KCNB2: variants seen among roughly 807,000 people sequenced by gnomAD.
The protein encoded by KCNB2 is delayed rectifier potassium channel protein.
In KCNB2, 15 loss-of-function variants were observed where a neutral mutation model predicts 61.5. The observed-to-expected ratio is 0.24, with a 90% CI of 0.16 to 0.38. KCNB2 has a LOEUF of 0.38. Ranked by LOEUF, KCNB2 falls within the 10% of genes least tolerant of loss-of-function variation. The probability of loss-of-function intolerance (pLI) is 1.00; values close to 1 mark genes in which losing one functional copy is unlikely to be tolerated. For synonymous variants in KCNB2, 457 were observed against 446.0 expected (o/e 1.02, Z -0.31); for missense variants, 828 against 1,125.2 (o/e 0.74, Z 3.78).
At chr8:72,918,247 T>C (rs1338917292) in intron 2 of KCNB2, among the ~76,000 whole-genome samples, 1 of 152,212 alleles carries the variant, frequency 6.6e-6, no homozygotes, top group East Asian at 1.9e-4. Context: ...AGTTGTGTCT[T>C]CTGTAGCAGT....
chr8:72,590,786 A>G (rs560183321), intron 2 of KCNB2, among the ~76,000 whole-genome samples: 2 of 152,306 alleles, frequency 1.3e-5, no homozygotes, highest in South Asian at 4.1e-4. Flanking sequence ...TGTGTCACAA[A>G]CAAGCAAAAA....
At chr8:72,929,386 T>A (rs1545829) in intron 2 of KCNB2, among the ~76,000 whole-genome samples, 72,968 of 151,974 alleles carry the variant, frequency 0.48, 18,150 homozygotes, top group East Asian at 0.89. Context: ...TGATCCTGCG[T>A]ATGTCTGTGT....
At chr8:72,607,873 A>T (rs1044759969) in intron 2 of KCNB2, among the ~76,000 whole-genome samples, 2 of 152,232 alleles carry the variant, frequency 1.3e-5, no homozygotes, top group African/African-American at 4.8e-5. Flanking sequence ...AATTATAATT[A>T]TGAAATAAAA....
chr8:72,716,471 A>C (rs547789734), intron 2 of KCNB2, among the ~76,000 whole-genome samples: 1 of 152,348 alleles, frequency 6.6e-6, no homozygotes, highest in African/African-American at 2.4e-5. Context: ...ACCATGATCA[A>C]GTGGGCTTCA....
At chr8:72,691,312 T>G (rs1806936950) in intron 2 of KCNB2, among the ~76,000 whole-genome samples, 1 of 152,150 alleles carries the variant, frequency 6.6e-6, no homozygotes, top group Non-Finnish European at 1.5e-5. Context: ...CCAGTTGACT[T>G]AAATCCTCTC....
At chr8:72,626,893 G>A (rs934604211) in intron 2 of KCNB2, among the ~76,000 whole-genome samples, 2 of 152,182 alleles carry the variant, frequency 1.3e-5, no homozygotes, top group South Asian at 2.1e-4. Flanking sequence ...CAAGTAATTA[G>A]TTTAAGAAAG....
At chr8:72,732,476 T>C (rs1392261775) in intron 2 of KCNB2, among the ~76,000 whole-genome samples, 1 of 152,226 alleles carries the variant, frequency 6.6e-6, no homozygotes. Flanking sequence ...TTTCTATCCT[T>C]TGAACATTTA....
chr8:72,756,283 T>A (rs1808288301), intron 2 of KCNB2, among the ~76,000 whole-genome samples: 2 of 152,208 alleles, frequency 1.3e-5, no homozygotes, highest in African/African-American at 4.8e-5. Context: ...CCTCCCTTCC[T>A]GTCTCCCTAT....
chr8:72,750,297 T>C (rs1316423794), intron 2 of KCNB2: 2 of 152,172 alleles, frequency 1.3e-5, no homozygotes, highest in Non-Finnish European at 2.9e-5. Context: ...GCAGTGGATA[T>C]TTGTGTTGTT....
At chr8:72,758,342 AC>A (rs781233919) in intron 2 of KCNB2, among the ~76,000 whole-genome samples, 1 of 152,204 alleles carries the variant, frequency 6.6e-6, no homozygotes, top group African/African-American at 2.4e-5. Flanking sequence ...GTAGCAGCAA[AC>A]AAACAGCATT....
chr8:72,859,205 G>T (rs185082861), intron 2 of KCNB2, among the ~76,000 whole-genome samples: 55 of 152,170 alleles, frequency 3.6e-4, no homozygotes, highest in African/African-American at 1.2e-3. Context: ...TGTGGTTATT[G>T]GCATCTCACA....
At chr8:72,929,802 C>A (rs950205123) in intron 2 of KCNB2, among the ~76,000 whole-genome samples, 1 of 152,060 alleles carries the variant, frequency 6.6e-6, no homozygotes, top group East Asian at 1.9e-4. Context: ...TTTTTTATTT[C>A]TTTTTTTATT....
At chr8:72,887,948 T>C (rs1328343947) in intron 2 of KCNB2, among the ~76,000 whole-genome samples, 1 of 152,238 alleles carries the variant, frequency 6.6e-6, no homozygotes, top group Non-Finnish European at 1.5e-5. Context: ...ACTTGGAAGA[T>C]ACACCCAATA....
chr8:72,913,732 A>G (rs1312676911), intron 2 of KCNB2, among the ~76,000 whole-genome samples: 1 of 152,226 alleles, frequency 6.6e-6, no homozygotes, highest in Non-Finnish European at 1.5e-5. Flanking sequence ...CTGGAGTTCC[A>G]GGATCAGACC....
chr8:72,791,838 C>T (rs1285698111), intron 2 of KCNB2, among the ~76,000 whole-genome samples: 2 of 152,160 alleles, frequency 1.3e-5, no homozygotes, highest in Non-Finnish European at 2.9e-5. Context: ...AAGAAAAGAC[C>T]TCAAGTAACA....
intron 2 of KCNB2, among the ~76,000 whole-genome samples, chr8:72,859,706 CGTTTTTTTTTTTTTTTTT>C (rs1466510888): frequency 2.7e-5 from 2 of 73,442 alleles, no homozygotes; most frequent in Non-Finnish European, 4.8e-5. Context: ...TACTTCATTT[CGTTTTTTTTTTTTTTTTT>C]TTTTTTTTTT....
intron 2 of KCNB2, among the ~76,000 whole-genome samples, chr8:72,688,083 A>G (rs1212341225): frequency 6.6e-6 from 1 of 152,148 alleles, no homozygotes; most frequent in Non-Finnish European, 1.5e-5. Context: ...CAGGGCCCTG[A>G]GCGTTCACTG....
chr8:72,846,719 C>T (rs2129003001), intron 2 of KCNB2, among the ~76,000 whole-genome samples: 1 of 152,252 alleles, frequency 6.6e-6, no homozygotes, highest in African/African-American at 2.4e-5. Flanking sequence ...TACCATCCCA[C>T]ACCAATTAGA....
At position 72,700,450 on chromosome 8, in the gene KCNB2, A is replaced by C. The variant is rs550378250; in HGVS notation, c.579+132137A>C. Among the ~76,000 whole-genome samples the C allele has an allele frequency of 1.3e-4, 20 of 152,262 alleles. No individual in the cohort carries two copies. The East Asian group carries it at 1.7e-3, about 13-fold the overall frequency. ...GAAGACAGACAAGTGGCCAATAAAC[A>C]TATGAAAAAACGTTCAACATCACTA... On this transcript the variant is annotated intron_variant, in intron 2 of 2. Coordinates refer to ENST00000523207, the MANE Select transcript of KCNB2 (RefSeq NM_004770.3).
Sources: gnomAD v4.1 joint callset for allele counts (sites outside exome capture counted in the v4.1 genomes callset) on GRCh38, gnomAD v4.1.1 for gene constraint, MANE v1.5 for transcripts, NCBI Gene and HGNC (gene_info 2026-07-23, HGNC 2026-07-21) for gene names.